The following LONP1 variants were observed in gnomAD, a reference collection of about 807,000 sequenced individuals.
LONP1 encodes lon protease homolog, mitochondrial.
In LONP1, 31 loss-of-function variants were observed where a neutral mutation model predicts 98.5. The observed-to-expected ratio is 0.31, with a 90% CI of 0.24 to 0.42. The LOEUF is 0.42. Ranked by LOEUF, LONP1 falls within the 20% of genes least tolerant of loss-of-function variation. The pLI, the probability that LONP1 is intolerant of heterozygous loss-of-function variation, is 1.00. For synonymous variants in LONP1, 781 were observed against 594.7 expected, an observed-to-expected ratio of 1.31 and a Z score of -4.56; for missense variants, 1,336 against 1,350.6, an observed-to-expected ratio of 0.99 and a Z score of 0.17.
At chr19:5,714,365 T>C (rs1035023682) in intron 1 of LONP1, 94 bp from the exon 2 acceptor site, 1 of 847,862 alleles carries the variant, frequency 1.2e-6, no homozygotes, top group Admixed American at 2.0e-5. Flanking sequence ...TGTAATGGCG[T>C]GATCTCAGCT....
chr19:5,706,324 TGGG>T (rs1270113598), intron 7 of LONP1, among the ~76,000 whole-genome samples: 1 of 152,130 alleles, frequency 6.6e-6, no homozygotes, highest in Non-Finnish European at 1.5e-5. Context: ...TTTGTAGAGA[TGGG>T]GCCAGGCGCG....
rs759327852 is a variant in LONP1, at chr19:5,692,007, G to A, written c.*25C>T. The A allele has an allele frequency of 3.2e-5, 31 of 978,176 alleles. No homozygotes were observed. The highest frequency in any genetic ancestry group is 4.0e-5 in the Non-Finnish European group (27 of 673,690). 60.6% of individuals were successfully genotyped at this position (978,176 alleles called of 1,614,324 possible). ...CTGGCCCAGACAGGGCCTGACATCC[G>A]CCGCCTGCAGTCCCGGGGTGGCCGT... On this transcript the variant is annotated 3_prime_UTR_variant, in exon 18 of 18. Coordinates refer to ENST00000360614, the MANE Select transcript of LONP1 (RefSeq NM_004793.4).
In LONP1 at chr19:5,694,544, C is replaced by A. The variant is rs145559502; in HGVS notation, c.2163G>T (p.Arg721=). The part of the protein sequence containing the change: ...NLQKQVEKVL[R]KSAYKIVSGE... Reference sequence around the variant, plus strand: ...CGCTGACAATCTTGTAGGCCGATTTCCGTAACACCTGGGCGGTCAGGGCAA... The same window carrying A: ...CGCTGACAATCTTGTAGGCCGATTTACGTAACACCTGGGCGGTCAGGGCAA... The change falls in exon 15 of 18, where the codon CGG becomes CGT. Residue 721 remains arginine, a synonymous_variant. Transcript: ENST00000360614. 186 of 1,610,962 alleles carry A rather than the reference C, an allele frequency of 1.2e-4. No homozygotes were observed. In the African/African-American group the frequency reaches 2.0e-3, roughly 17 times the overall value.
chr19:5,699,115 C>T lies in LONP1; in HGVS notation c.1597G>A (p.Ala533Thr). 2 of 1,592,176 alleles carry T rather than the reference C, an allele frequency of 1.3e-6. No individual in the cohort carries two copies. The highest frequency in any genetic ancestry group is 1.7e-6 in the Non-Finnish European group (2 of 1,165,740). ...GPPGVGKTSI[A>T]RSIARALNRE... ...TTCAGGGCGCGGGCGATGGAGCGAG[C>T]AATGCTGGTCTTACCCACGCCAGGG... The change falls in exon 10 of 18, where the codon GCT (alanine) becomes ACT (threonine). Residue 533 changes from alanine to threonine, a missense_variant. By Grantham distance (58) the Ala-to-Thr change is moderately conservative. Transcript: ENST00000360614.
intron 8 of LONP1, among the ~76,000 whole-genome samples, 177 bp from the exon 9 acceptor site, chr19:5,701,104 A>C (rs1196615618): frequency 6.6e-6 from 1 of 151,996 alleles, no homozygotes; most frequent in Non-Finnish European, 1.5e-5. Context: ...ACTTGAGCCC[A>C]GGAGTTCAAG....
At chr19:5,704,486 G>A (rs1368397191) in intron 8 of LONP1, among the ~76,000 whole-genome samples, 1 of 152,180 alleles carries the variant, frequency 6.6e-6, no homozygotes, top group Non-Finnish European at 1.5e-5. Flanking sequence ...TCCTGGGCCA[G>A]CAGCCAGGAA....
chr19:5,701,727 G>C (rs1202823116), intron 8 of LONP1, among the ~76,000 whole-genome samples: 1 of 152,208 alleles, frequency 6.6e-6, no homozygotes, highest in Non-Finnish European at 1.5e-5. Context: ...AAAGTGCCGA[G>C]ATTGCAGCCT....
At chr19:5,715,168 A>C (rs2145630965) in intron 1 of LONP1, 1 of 152,132 alleles carries the variant, frequency 6.6e-6, no homozygotes, top group South Asian at 2.1e-4. Flanking sequence ...GGAAATTCAA[A>C]GTAGACGAAT....
intron 4 of LONP1, among the ~76,000 whole-genome samples, chr19:5,709,118 G>T (rs535095043): frequency 1.3e-5 from 2 of 151,460 alleles, no homozygotes; most frequent in Non-Finnish European, 2.9e-5. Flanking sequence ...GGGCTCAAGC[G>T]ATCCTCCCCG....
At chr19:5,719,262 A>C (rs536577900) in intron 1 of LONP1, among the ~76,000 whole-genome samples, 146 of 152,320 alleles carry the variant, frequency 9.6e-4, no homozygotes, top group African/African-American at 3.3e-3. Context: ...CTCTCTGGCA[A>C]ATAATAAGCA....
intron 8 of LONP1, among the ~76,000 whole-genome samples, chr19:5,701,449 G>A (rs898353730): frequency 2.0e-5 from 3 of 152,174 alleles, no homozygotes; most frequent in Non-Finnish European, 4.4e-5. Context: ...TCCTGCCTGA[G>A]CCTGCCGAGT....
At chr19:5,706,874 C>A (rs751588859) in intron 7 of LONP1, among the ~76,000 whole-genome samples, 186 bp downstream of exon 7, 18 of 152,230 alleles carry the variant, frequency 1.2e-4, no homozygotes, top group African/African-American at 1.7e-4. Context: ...CTGTTCAACG[C>A]GGAGAGTTCC....
intron 8 of LONP1, 145 bp downstream of exon 8, chr19:5,705,627 C>G (rs1228058964): frequency 1.5e-6 from 1 of 646,876 alleles, no homozygotes; most frequent in African/African-American, 1.8e-5. Context: ...CAGAACAGGG[C>G]TGATACTCGC....
rs116735616 is a variant in LONP1 at position 5,696,601 on chromosome 19, G to A, written c.1773+69C>T. 5.7e-4 allele frequency: 833 copies of A among 1,473,732 alleles called. 3 individuals carry two copies. In the African/African-American group the frequency reaches 9.3e-3, roughly 16 times the overall value. 91.3% of individuals were successfully genotyped at this position (1,473,732 alleles called of 1,614,324 possible). ...AGTTGGCTCGGGGATCCTAGGACCC[G>A]GAAGGCTCGGCTTCATCTTGCACAC... On this transcript the variant is annotated intron_variant, in intron 11 of 17. Coordinates refer to ENST00000360614, the MANE Select transcript of LONP1 (RefSeq NM_004793.4).
intron 8 of LONP1, among the ~76,000 whole-genome samples, chr19:5,702,258 G>GT (rs1480125947): frequency 3.4e-5 from 5 of 147,332 alleles, no homozygotes; most frequent in Non-Finnish European, 7.5e-5. Context: ...AGGTTGGGGG[G>GT]GGGGTCAGCC....
chr19:5,706,051 G>A (rs773286917), intron 7 of LONP1, 59 bp from the exon 8 acceptor site: 310 of 1,161,368 alleles, frequency 2.7e-4, no homozygotes, highest in Non-Finnish European at 2.3e-4. Context: ...GGGTGGGTGC[G>A]TCCCCAGACG....
chr19:5,708,249 C>T, intron 5 of LONP1, 93 bp downstream of exon 5: 2 of 1,296,792 alleles, frequency 1.5e-6, no homozygotes, highest in East Asian at 2.4e-5. Context: ...GGTTTCCTCC[C>T]AGGAGGACGC....
intron 8 of LONP1, among the ~76,000 whole-genome samples, chr19:5,701,999 C>T (rs2055055447): frequency 6.6e-6 from 1 of 150,624 alleles, no homozygotes; most frequent in Non-Finnish European, 1.5e-5. Flanking sequence ...AGTGAGGAGA[C>T]CCTCTGCCTG....
At chr19:5,720,215 G>C, upstream of LONP1, 1 of 1,383,666 alleles carries the variant, frequency 7.2e-7, no homozygotes, top group Non-Finnish European at 9.3e-7. Context: ...GCGTGCCTCG[G>C]TACCCGATGG....
Sources: gnomAD v4.1 joint callset for allele counts (sites outside exome capture counted in the v4.1 genomes callset) on GRCh38, gnomAD v4.1.1 for gene constraint, MANE v1.5 for transcripts, NCBI Gene and HGNC (gene_info 2026-07-23, HGNC 2026-07-21) for gene names.